The following LAMA5 variants were observed in gnomAD, a reference collection of about 807,000 sequenced individuals.
LAMA5 encodes the protein laminin subunit alpha-5.
Under a neutral mutation model 433.4 loss-of-function variants are expected in LAMA5, and 260 were observed. The ratio of observed to expected loss-of-function variants is 0.60; its 90% CI spans 0.54 to 0.66. The LOEUF (loss-of-function observed/expected upper bound fraction) is 0.66. Among genes scored for constraint, LAMA5 ranks in the 30% least tolerant of loss-of-function variants. The pLI, the probability that LAMA5 is intolerant of heterozygous loss-of-function variation, is 0.00. For synonymous variants in LAMA5, 2,620 were observed against 2,226.6 expected, an observed-to-expected ratio of 1.18 and a Z score of -4.97; for missense variants, 5,378 against 5,258.5, an observed-to-expected ratio of 1.02 and a Z score of -0.70.
rs764431303 is a variant in LAMA5 at position 62,310,958 on chromosome 20, C to G, written c.10225G>C (p.Gly3409Arg). 1 of 1,611,426 alleles carries G rather than the reference C, an allele frequency of 6.2e-7. No homozygotes were observed. The highest frequency in any genetic ancestry group is 1.1e-5 in the South Asian group (1 of 90,992). The change falls in exon 74 of 80, where the codon GGG becomes CGG. Residue 3409 changes from glycine (G) to arginine (R), a missense_variant. Coordinates refer to ENST00000252999, the MANE Select transcript of LAMA5 (RefSeq NM_005560.6). ...GHFVAQMEGL[G>R]TRLRAQSRQR... ...CGGCTCTGGGCGCGGAGCCGAGTCC[C>G]GAGGCCTTCCATCTGTGCAACGAAG... is the stretch of plus-strand genomic sequence containing the variant.
chr20:62,335,251 C>T lies in LAMA5; in HGVS notation c.2342G>A (p.Arg781Lys), dbSNP rs747676466. ...EGCTRCSCDLRGTLGGVAECQ... is the reference protein window; with the variant it reads ...EGCTRCSCDLKGTLGGVAECQ... ...CTCAGCAACTCCACCCAGTGTGCCC[C>T]TGAGGTCGCAGCTGCAGCCTGGGGA... Residue 781 changes from arginine (R) to lysine (K), a missense_variant, in exon 19 of 80, where the codon AGG becomes AAG. By Grantham distance (26) the Arg-to-Lys change is conservative. Coordinates refer to ENST00000252999, the MANE Select transcript of LAMA5 (RefSeq NM_005560.6). 6.2e-7 allele frequency: 1 copy of T among 1,612,474 alleles called. No individual in the cohort carries two copies. The highest frequency in any genetic ancestry group is 8.5e-7 in the Non-Finnish European group (1 of 1,179,490).
chr20:62,356,649 A>C lies in LAMA5; in HGVS notation c.451-3398T>G, dbSNP rs890512615. ...CTCTGCCCGGTGACCACTGCCTCAC[A>C]GGGGGTGGGCAAGAGCCCCAGGAGT... On this transcript the variant is annotated intron_variant, in intron 2 of 79. Transcript: ENST00000252999. Among the ~76,000 whole-genome samples the C allele has an allele frequency of 4.6e-5, 7 of 151,674 alleles. 1 individual carries two copies. Among genetic ancestry groups the C allele is most frequent in the Admixed American group, 4.6e-4 (7 of 15,252 alleles).
chr20:62,327,050 GCA>G, intron 38 of LAMA5, 84 bp from the exon 39 acceptor site: 2 of 1,179,560 alleles, frequency 1.7e-6, no homozygotes, highest in East Asian at 2.4e-5. Context: ...GGCACCCCCA[GCA>G]CAGAGCCCTG....
intron 18 of LAMA5, 53 bp downstream of exon 18, chr20:62,336,287 G>T: frequency 7.6e-7 from 1 of 1,308,890 alleles, no homozygotes; most frequent in Non-Finnish European, 1.1e-6. Flanking sequence ...ATATACTTGT[G>T]GGCACAGTTC....
At chr20:62,345,922 C>G (rs1223755860) in intron 10 of LAMA5, 45 bp from the exon 11 acceptor site, 1 of 1,556,042 alleles carries the variant, frequency 6.4e-7, no homozygotes, top group East Asian at 2.4e-5. Flanking sequence ...GCTCAGAACC[C>G]TAGCACCCTA....
Position 62,311,909 on chromosome 20 carries a change from G to A in LAMA5, c.9635+11C>T, listed in dbSNP as rs536284424. On this transcript the variant is annotated intron_variant, in intron 70 of 79. Coordinates refer to ENST00000252999, the MANE Select transcript of LAMA5 (RefSeq NM_005560.6). ...AGACCTTCACGATGAGGGCCCAGCG[G>A]CCAGGCTCACCCCGTGGCATTGCTG... 2.5e-6 allele frequency: 4 copies of A among 1,605,012 alleles called. No homozygotes were observed. The East Asian group carries it at 8.9e-5, about 36-fold the overall frequency.
intron 6 of LAMA5, among the ~76,000 whole-genome samples, chr20:62,349,597 A>G (rs1330126510): frequency 2.4e-5 from 3 of 127,036 alleles, no homozygotes; most frequent in Non-Finnish European, 4.9e-5. Flanking sequence ...GTCATGGAAT[A>G]GAAAAACTAC....
chr20:62,323,869 G>C lies in LAMA5; in HGVS notation c.5769-13C>G. On this transcript the variant is annotated splice_polypyrimidine_tract_variant and intron_variant, in intron 43 of 79. Transcript: ENST00000252999. ...GCCCTCGGCGAAGCTGCAAAGACCA[G>C]CAGCGTCAGTCACTAGGCCCCTGGC... is the stretch of plus-strand genomic sequence containing the variant. 2 of 1,594,544 alleles carry C rather than the reference G, an allele frequency of 1.3e-6. No homozygotes were observed. Among genetic ancestry groups the C allele is most frequent in the Non-Finnish European group, 1.7e-6 (2 of 1,170,042 alleles).
At position 62,332,408 on chromosome 20, in the gene LAMA5, G is replaced by A. The variant is rs150162199; in HGVS notation, c.3516C>T (p.Ser1172=). 1.0e-4 allele frequency: 162 copies of A among 1,612,612 alleles called. 1 individual carries two copies. The highest frequency in any genetic ancestry group is 1.0e-3 in the African/African-American group (75 of 74,944). Residue 1172 remains serine, a synonymous_variant, in exon 28 of 80, where the codon AGC becomes AGT. Coordinates refer to ENST00000252999, the MANE Select transcript of LAMA5 (RefSeq NM_005560.6). ...GTGCCTGTTCGGCTGTGAGCCTCACGCTGGCCTCCGAGTCCAGGTGGAAGA... is the reference window on the plus strand; with the variant it reads ...GTGCCTGTTCGGCTGTGAGCCTCACACTGGCCTCCGAGTCCAGGTGGAAGA... ...LAVFHLDSEA[S]VRLTAEQARF... is the part of the protein sequence containing the mutation.
At chr20:62,364,307 C>T (rs1445104912) in intron 1 of LAMA5, among the ~76,000 whole-genome samples, 3 of 152,204 alleles carry the variant, frequency 2.0e-5, no homozygotes, top group African/African-American at 7.2e-5. Flanking sequence ...CTGGCTGGGA[C>T]AGCCGGACCT....
Position 62,315,977 on chromosome 20 carries a change from G to A in LAMA5, c.7838C>T (p.Ala2613Val), listed in dbSNP as rs370074478. 200 of 1,606,772 alleles carry A rather than the reference G, an allele frequency of 1.2e-4. No homozygotes were observed. The highest frequency in any genetic ancestry group is 1.4e-4 in the Non-Finnish European group (165 of 1,178,844). ...KKDQLEAHIQAAQAMLAMDTD... is the reference protein window; with the variant it reads ...KKDQLEAHIQVAQAMLAMDTD... ...GTCCATGGCAAGCATGGCCTGCGCC[G>A]CCTGGATGTGCGCCTCCAGCTGGTC... The change falls in exon 58 of 80, where the codon GCG (alanine) becomes GTG (valine). Residue 2613 changes from alanine (A) to valine (V), a missense_variant. Transcript: ENST00000252999.
Position 62,318,566 on chromosome 20 carries a change from T to C in LAMA5, c.7127A>G (p.Gln2376Arg), listed in dbSNP as rs1439778134. ...LATQTRDRLA[Q>R]HEAGLMDLRE... ...CAGGTCCATGAGGCCGGCCTCGTGC[T>C]GGGCCAGCCGGTCGCGGGTTTGTGT... The change falls in exon 53 of 80, where the codon CAG becomes CGG. Residue 2376 changes from glutamine to arginine, a missense_variant. By Grantham distance (43) the Gln-to-Arg change is conservative. Transcript: ENST00000252999. 2 of 1,610,278 alleles carry C rather than the reference T, an allele frequency of 1.2e-6. No homozygotes were observed. Among genetic ancestry groups the C allele is most frequent in the African/African-American group, 2.7e-5 (2 of 74,734 alleles).
In LAMA5 at chr20:62,328,228, T is replaced by C. The variant is rs1460765125; in HGVS notation, c.4652+13A>G. 1 of 1,592,860 alleles carries C rather than the reference T, an allele frequency of 6.3e-7. No individual in the cohort carries two copies. The highest frequency in any genetic ancestry group is 1.1e-5 in the South Asian group (1 of 88,352). On this transcript the variant is annotated intron_variant, in intron 35 of 79. Transcript: ENST00000252999. ...CCACCAGGGGCCGCGCTGACGCCGC[T>C]CTGGGCTCTCACTTGCACTGGCCGC...
rs1371231491 is a variant in LAMA5, at chr20:62,367,130, G to A, written c.116C>T (p.Ala39Val). The change falls in exon 1 of 80, where the codon GCG becomes GTG. Residue 39 changes from alanine (A) to valine (V), a missense_variant. Physicochemically the swap from Ala to Val is moderately conservative, Grantham distance 64. Coordinates refer to ENST00000252999, the MANE Select transcript of LAMA5 (RefSeq NM_005560.6). ...LLGAARAREE[A>V]GGGFSLHPPY... ...CGGGTGCAGGCTGAAGCCGCCGCCC[G>A]CCTCCTCCCGCGCCCGCGCCGCGCC... 4.7e-6 allele frequency: 6 copies of A among 1,272,560 alleles called. No homozygotes were observed. The highest frequency in any genetic ancestry group is 2.9e-5 in the South Asian group (1 of 35,072). 78.8% of individuals were successfully genotyped at this position (1,272,560 alleles called of 1,614,324 possible).
Position 62,324,583 on chromosome 20 carries a change from AGC to A in LAMA5, c.5530-31_5530-30del, listed in dbSNP as rs1330074895. Reference sequence around the variant, plus strand: ...AGGGTGTACGGGGGCAGGTGGCATCAGCGATTGAGAGGACGAGGGGCCCCACC... The same window carrying A: ...AGGGTGTACGGGGGCAGGTGGCATCAGATTGAGAGGACGAGGGGCCCCACC... On this transcript the variant is annotated intron_variant, in intron 41 of 79. Transcript: ENST00000252999. This position sits in a 1 kb window ranked among gnomAD's most constrained non-coding sequence, Gnocchi z 4.4. 2.6e-6 allele frequency: 4 copies of A among 1,523,878 alleles called. No individual in the cohort carries two copies. In the African/African-American group the frequency reaches 5.5e-5, roughly 21 times the overall value. The allele number at this position is 1,523,878 out of a possible 1,614,324, so 94.4% of individuals were successfully genotyped here.
chr20:62,325,908 A>G (rs1979202780), intron 40 of LAMA5, among the ~76,000 whole-genome samples: 1 of 152,220 alleles, frequency 6.6e-6, no homozygotes, highest in Non-Finnish European at 1.5e-5. Flanking sequence ...AAGTACATTA[A>G]CTATAAGGCC....
chr20:62,319,261 C>T (rs1056191711), intron 51 of LAMA5: 7 of 553,898 alleles, frequency 1.3e-5, no homozygotes, highest in South Asian at 4.7e-5. Flanking sequence ...TGAGCCTTCT[C>T]GTCCTGCCCC....
chr20:62,330,721 C>T, intron 30 of LAMA5, 22 bp downstream of exon 30: 2 of 1,556,278 alleles, frequency 1.3e-6, no homozygotes, highest in Non-Finnish European at 1.7e-6. Flanking sequence ...ACCCCCGTCC[C>T]TCTAGAGACT....
chr20:62,353,806 A>G (rs1458380822), intron 2 of LAMA5, among the ~76,000 whole-genome samples: 4 of 151,788 alleles, frequency 2.6e-5, no homozygotes, highest in Non-Finnish European at 5.9e-5. Flanking sequence ...ACCCCTCCCC[A>G]GGCTCTGCTC....
Sources: gnomAD v4.1 joint callset for allele counts (sites outside exome capture counted in the v4.1 genomes callset) on GRCh38, gnomAD v4.1.1 for gene constraint, Gnocchi (gnomAD v3.1) non-coding constraint, MANE v1.5 for transcripts, NCBI Gene and HGNC (gene_info 2026-07-23, HGNC 2026-07-21) for gene names.